CYSLTR2: variants seen among roughly 807,000 people sequenced by gnomAD.
The protein encoded by CYSLTR2 is G-protein coupled receptor GPCR21.
For synonymous variants in CYSLTR2, 179 were observed against 160.8 expected (o/e 1.11, Z -0.86); for missense variants, 398 against 411.9 (o/e 0.97, Z 0.29).
At chr13:48,667,327 C>T (rs1298426671) in intron 1 of CYSLTR2, among the ~76,000 whole-genome samples, 1 of 152,168 alleles carries the variant, frequency 6.6e-6, no homozygotes, top group Admixed American at 6.5e-5. Context: ...GGGTTAAGGC[C>T]ATGGGGCTGT....
intron 1 of CYSLTR2, among the ~76,000 whole-genome samples, chr13:48,667,975 A>G (rs1953309592): frequency 6.6e-6 from 1 of 152,182 alleles, no homozygotes; most frequent in African/African-American, 2.4e-5. Context: ...ATCAAATCCT[A>G]TGGTTCCATG....
At chr13:48,675,784 C>T (rs1446868925) in intron 1 of CYSLTR2, among the ~76,000 whole-genome samples, 1 of 152,108 alleles carries the variant, frequency 6.6e-6, no homozygotes, top group Non-Finnish European at 1.5e-5. Context: ...GGTATAGGCA[C>T]CCGAGGGATT....
chr13:48,663,583 TTTTG>T (rs1447139639), intron 1 of CYSLTR2, among the ~76,000 whole-genome samples: 4 of 152,072 alleles, frequency 2.6e-5, no homozygotes, highest in East Asian at 3.8e-4. Context: ...TAAGGTTGTT[TTTTG>T]TTTGTTTGTA....
intron 1 of CYSLTR2, among the ~76,000 whole-genome samples, chr13:48,681,507 A>G (rs942777432): frequency 2.6e-5 from 4 of 152,076 alleles, no homozygotes; most frequent in Non-Finnish European, 4.4e-5. Context: ...GACTTCCCCA[A>G]TGAGGTCTGC....
At chr13:48,669,828 T>C (rs933161125) in intron 1 of CYSLTR2, among the ~76,000 whole-genome samples, 1 of 152,234 alleles carries the variant, frequency 6.6e-6, no homozygotes, top group African/African-American at 2.4e-5. Flanking sequence ...GTATTTCTGG[T>C]TCTAGATCCT....
chr13:48,701,212 ATGC>A (rs1406213989), intron 4 of CYSLTR2, among the ~76,000 whole-genome samples: 2 of 152,374 alleles, frequency 1.3e-5, no homozygotes, highest in Non-Finnish European at 2.9e-5. Context: ...TGGAGGCATC[ATGC>A]TACCTGACTT....
At chr13:48,677,106 C>A (rs940047778) in intron 1 of CYSLTR2, among the ~76,000 whole-genome samples, 1 of 152,098 alleles carries the variant, frequency 6.6e-6, no homozygotes, top group African/African-American at 2.4e-5. Context: ...AATGGAAAAC[C>A]ATGAGGCCTC....
intron 1 of CYSLTR2, among the ~76,000 whole-genome samples, chr13:48,655,105 T>C (rs1299432351): frequency 6.6e-6 from 1 of 152,218 alleles, no homozygotes. Context: ...AAGAATCTAC[T>C]TGTGTTTCGA....
At chr13:48,670,079 T>A (rs1953381336) in intron 1 of CYSLTR2, among the ~76,000 whole-genome samples, 3 of 152,268 alleles carry the variant, frequency 2.0e-5, no homozygotes, top group African/African-American at 7.2e-5. Context: ...ATATCTTCTT[T>A]TGAGAAGTGT....
chr13:48,683,581 GT>G (rs955079562), intron 1 of CYSLTR2, among the ~76,000 whole-genome samples: 20 of 150,928 alleles, frequency 1.3e-4, no homozygotes, highest in Admixed American at 4.6e-4. Flanking sequence ...TTTTAACGGA[GT>G]TTTTTTTTCT....
At chr13:48,668,492 C>A (rs1157175425) in intron 1 of CYSLTR2, among the ~76,000 whole-genome samples, 1 of 151,992 alleles carries the variant, frequency 6.6e-6, no homozygotes, top group Non-Finnish European at 1.5e-5. Context: ...AACAATAATA[C>A]CAGTTTCATA....
At chr13:48,654,732 C>T (rs1049230910) in intron 1 of CYSLTR2, among the ~76,000 whole-genome samples, 7 of 152,180 alleles carry the variant, frequency 4.6e-5, no homozygotes, top group Admixed American at 2.6e-4. Flanking sequence ...GGCTGCACAT[C>T]TGGCCAGAAT....
intron 1 of CYSLTR2, among the ~76,000 whole-genome samples, chr13:48,665,196 T>TA (rs1953230167): frequency 6.6e-6 from 1 of 152,094 alleles, no homozygotes; most frequent in African/African-American, 2.4e-5. Flanking sequence ...TTTTGATTCT[T>TA]AAAAAAATTT....
At chr13:48,670,779 C>T (rs1276448045) in intron 1 of CYSLTR2, among the ~76,000 whole-genome samples, 2 of 152,062 alleles carry the variant, frequency 1.3e-5, no homozygotes, top group African/African-American at 4.8e-5. Flanking sequence ...ATGGCTCCAT[C>T]TGAAATTTAA....
At position 48,678,719 on chromosome 13, in the gene CYSLTR2, G is replaced by A. The variant is rs533867196; in HGVS notation, c.-265-12493G>A. 3.3e-5 allele frequency among the ~76,000 whole-genome samples: 5 copies of A among 152,212 alleles called. No individual in the cohort carries two copies. In the East Asian group the frequency reaches 9.7e-4, roughly 29 times the overall value. On this transcript the variant is annotated intron_variant, in intron 1 of 4. Transcript: ENST00000682523. ...AGCCCAATCAGCATCTTCTTCATAG[G>A]TTCCTTTTATTAATGAAAGGCACCA... is the stretch of plus-strand genomic sequence containing the variant.
In CYSLTR2 at chr13:48,707,444, C is replaced by A. The variant is rs1262083518; in HGVS notation, c.627C>A (p.Gly209=). The part of the protein sequence containing the change: ...QTMNYIALVV[G]CLLPFFTLSI... ...TGAACTATATTGCCTTGGTGGTGGGCTGCCTGCTGCCATTTTTCACACTCA... is the reference window on the plus strand; with the variant it reads ...TGAACTATATTGCCTTGGTGGTGGGATGCCTGCTGCCATTTTTCACACTCA... The change falls in exon 5 of 5, where the codon GGC becomes GGA. Residue 209 remains glycine (G), a synonymous_variant. Coordinates refer to ENST00000682523, the MANE Select transcript of CYSLTR2 (RefSeq NM_001308476.3). 6 of 1,614,006 alleles carry A rather than the reference C, an allele frequency of 3.7e-6. No individual in the cohort carries two copies. Among genetic ancestry groups the A allele is most frequent in the Non-Finnish European group, 5.1e-6 (6 of 1,180,034 alleles).
chr13:48,673,555 A>G (rs1441653874), intron 1 of CYSLTR2, among the ~76,000 whole-genome samples: 2 of 149,574 alleles, frequency 1.3e-5, no homozygotes, highest in Admixed American at 6.8e-5. Context: ...CAGCACCCCA[A>G]TGGGTCTTGA....
Position 48,707,147 on chromosome 13 carries a change from CTGCA to C in CYSLTR2, c.331_334del (p.Cys111GlyfsTer18). On this transcript the variant is annotated frameshift_variant, in exon 5 of 5. Transcript: ENST00000682523. LOFTEE classifies it low-confidence loss of function (END_TRUNC). ...CCAATTGGATATTTGGAGACCTGGC[CTGCA>C]GGATTATGTCTTATTCCTTGTATGT... is the stretch of plus-strand genomic sequence containing the variant. 1 of 1,614,194 alleles carries C rather than the reference CTGCA, an allele frequency of 6.2e-7. No homozygotes were observed. The highest frequency in any genetic ancestry group is 1.1e-5 in the South Asian group (1 of 91,082).
In CYSLTR2 at chr13:48,657,553, G is replaced by A. The variant is rs1448946915; in HGVS notation, c.-266+3536G>A. Reference sequence around the variant, plus strand: ...TGGAAAAGGAGAGAGGAAAAGAGGGGAAGGGAGCTGGTTTACTCTGGAAGT... The same window carrying A: ...TGGAAAAGGAGAGAGGAAAAGAGGGAAAGGGAGCTGGTTTACTCTGGAAGT... On this transcript the variant is annotated intron_variant, in intron 1 of 4. Coordinates refer to ENST00000682523, the MANE Select transcript of CYSLTR2 (RefSeq NM_001308476.3). Among the ~76,000 whole-genome samples the A allele has an allele frequency of 2.0e-5, 3 of 151,884 alleles. No individual in the cohort carries two copies. The East Asian group carries it at 5.8e-4, about 29-fold the overall frequency.
Sources: allele counts gnomAD v4.1 joint callset (sites outside exome capture counted in the v4.1 genomes callset), GRCh38; gene constraint gnomAD v4.1.1; transcripts MANE v1.5; gene names NCBI Gene and HGNC (gene_info 2026-07-23, HGNC 2026-07-21).